The following SEC14L1 variants were observed in gnomAD, a reference collection of about 807,000 sequenced individuals.
SEC14L1 encodes the protein SEC14-like protein 1.
SEC14L1 carries 48 observed loss-of-function variants against 85.3 expected under a neutral mutation model. That is an observed-to-expected ratio of 0.56 (90% CI 0.45 to 0.72). The LOEUF (loss-of-function observed/expected upper bound fraction) is 0.72, where lower values mean the gene tolerates loss of function less well. SEC14L1 is among the 30% of genes least tolerant of loss of function. The pLI is 0.00. For synonymous variants in SEC14L1, 391 were observed against 355.5 expected (o/e 1.10, Z -1.12); for missense variants, 682 against 921.4 (o/e 0.74, Z 3.36).
chr17:77,178,640 A>G (rs966941483), intron 3 of SEC14L1, among the ~76,000 whole-genome samples: 15 of 152,220 alleles, frequency 9.9e-5, no homozygotes, highest in African/African-American at 3.6e-4. Context: ...ACCTCAGATC[A>G]TCAGGCATTG....
chr17:77,096,638 TTTCTCTC>T (rs1971655668), intron 3 of SEC14L1, among the ~76,000 whole-genome samples: 1 of 152,132 alleles, frequency 6.6e-6, no homozygotes, highest in Admixed American at 6.6e-5. Context: ...AGATTTTGAA[TTTCTCTC>T]TTCGTCCACT....
intron 10 of SEC14L1, 78 bp from the exon 11 acceptor site, chr17:77,205,198 G>A (rs886532939): frequency 2.6e-5 from 32 of 1,223,468 alleles, no homozygotes; most frequent in Middle Eastern, 2.2e-4. Context: ...CGCTGTTAGT[G>A]TCCCTCTTCC....
At chr17:77,126,196 A>G (rs894293360) in intron 3 of SEC14L1, among the ~76,000 whole-genome samples, 1 of 152,184 alleles carries the variant, frequency 6.6e-6, no homozygotes, top group Non-Finnish European at 1.5e-5. Context: ...CTCTGTGAAC[A>G]CTGGAGTCAG....
chr17:77,120,633 C>T (rs954578926), intron 3 of SEC14L1, among the ~76,000 whole-genome samples: 3 of 152,146 alleles, frequency 2.0e-5, no homozygotes, highest in Admixed American at 2.0e-4. Context: ...CGTGCCACCA[C>T]GCCCAGCTAA....
At chr17:77,123,062 T>G (rs190754203) in intron 3 of SEC14L1, among the ~76,000 whole-genome samples, 26 of 152,018 alleles carry the variant, frequency 1.7e-4, no homozygotes, top group Non-Finnish European at 2.6e-4. Flanking sequence ...TTTTGTTTTT[T>G]TTTTTTGAGA....
intron 3 of SEC14L1, among the ~76,000 whole-genome samples, chr17:77,188,797 A>C (rs953725414): frequency 6.6e-6 from 1 of 152,122 alleles, no homozygotes; most frequent in Admixed American, 6.5e-5. Flanking sequence ...CCCAACCAGC[A>C]CTGTGTTTTA....
chr17:77,114,898 G>GTAGCATTTTC (rs1972137053), intron 3 of SEC14L1, among the ~76,000 whole-genome samples: 1 of 149,318 alleles, frequency 6.7e-6, no homozygotes, highest in African/African-American at 2.5e-5. Context: ...TTAAGTCCCA[G>GTAGCATTTTC]TAGCATTTTC....
intron 14 of SEC14L1, chr17:77,211,149 A>G (rs1976730084): frequency 6.6e-6 from 1 of 152,302 alleles, no homozygotes; most frequent in Non-Finnish European, 1.5e-5. Flanking sequence ...GGTGGGATTA[A>G]AGGGGCCCGG....
At chr17:77,159,172 TCTC>T (rs1436796865) in intron 3 of SEC14L1, among the ~76,000 whole-genome samples, 1 of 150,938 alleles carries the variant, frequency 6.6e-6, no homozygotes, top group Admixed American at 6.6e-5. Context: ...GTCAAGCAAT[TCTC>T]CTGCCTCAGC....
At chr17:77,200,750 C>G in intron 9 of SEC14L1, 77 bp downstream of exon 9, 1 of 1,461,962 alleles carries the variant, frequency 6.8e-7, no homozygotes, top group Non-Finnish European at 9.3e-7. Flanking sequence ...GGCCTCCTTC[C>G]CTGGAGTTGA....
intron 3 of SEC14L1, among the ~76,000 whole-genome samples, chr17:77,128,851 C>T (rs1384804150): frequency 6.6e-6 from 1 of 152,084 alleles, no homozygotes; most frequent in Non-Finnish European, 1.5e-5. Flanking sequence ...TCCCCATGCA[C>T]CCCTAGCCCC....
rs1283025240 is a variant in SEC14L1, at chr17:77,216,713, A to G, written c.*2690A>G. The G allele has an allele frequency of 5.7e-6, 8 of 1,413,234 alleles. No individual in the cohort carries two copies. Among genetic ancestry groups the G allele is most frequent in the African/African-American group, 1.4e-5 (1 of 70,566 alleles). The allele number at this position is 1,413,234 out of a possible 1,614,324, so 87.5% of individuals were successfully genotyped here. On this transcript the variant is annotated 3_prime_UTR_variant, in exon 17 of 17. Coordinates refer to ENST00000436233, the MANE Select transcript of SEC14L1 (RefSeq NM_001143998.2). ...TCGGGAGTGGCATTCTTTTATACCC[A>G]AAGACTGTAGTGCATCTTGAAGAGC... is the stretch of plus-strand genomic sequence containing the variant.
rs764980460 is a variant in SEC14L1, at chr17:77,209,490, C to A, written c.1611+14C>A. ...GCCCCACATGAGGTACGTCCTCCGCCTTCCTGCACCTGGGCCGGCCCTTCC... is the reference window on the plus strand; with the variant it reads ...GCCCCACATGAGGTACGTCCTCCGCATTCCTGCACCTGGGCCGGCCCTTCC... On this transcript the variant is annotated intron_variant, in intron 14 of 16. Coordinates refer to ENST00000436233, the MANE Select transcript of SEC14L1 (RefSeq NM_001143998.2). 4 of 1,612,230 alleles carry A rather than the reference C, an allele frequency of 2.5e-6. No homozygotes were observed. The African/African-American group carries it at 4.0e-5, about 16-fold the overall frequency.
chr17:77,208,537 T>G (rs538932782), intron 13 of SEC14L1, among the ~76,000 whole-genome samples: 2 of 152,314 alleles, frequency 1.3e-5, no homozygotes, highest in East Asian at 3.9e-4. Context: ...CTTCTAAGGC[T>G]TCTTCACCTC....
chr17:77,108,279 G>A (rs182271776), intron 3 of SEC14L1, among the ~76,000 whole-genome samples: 14 of 152,252 alleles, frequency 9.2e-5, no homozygotes, highest in East Asian at 3.9e-4. Flanking sequence ...TGCATTAAAC[G>A]TGGTCGTCAT....
At chr17:77,187,977 T>C (rs1036320523) in intron 3 of SEC14L1, among the ~76,000 whole-genome samples, 1 of 152,204 alleles carries the variant, frequency 6.6e-6, no homozygotes, top group African/African-American at 2.4e-5. Context: ...ACTCCTGGGC[T>C]CAAGTGATCT....
At position 77,213,893 on chromosome 17, in the gene SEC14L1, C is replaced by T; in HGVS notation, c.2043-25C>T. ...GTGGTTGGCAGGGTGGTCCTCACGC[C>T]TCGCCCCTCCCTGTGCCATTACAGA... On this transcript the variant is annotated intron_variant, in intron 16 of 16. Transcript: ENST00000436233. The surrounding 1 kb of genome is among the most constrained non-coding windows in gnomAD (Gnocchi z 7.1). The T allele has an allele frequency of 5.0e-6, 8 of 1,610,616 alleles. No individual in the cohort carries two copies. The highest frequency in any genetic ancestry group is 1.3e-5 in the African/African-American group (1 of 74,988).
intron 3 of SEC14L1, among the ~76,000 whole-genome samples, chr17:77,125,107 C>T (rs1293655543): frequency 5.9e-5 from 9 of 151,824 alleles, no homozygotes; most frequent in Middle Eastern, 3.4e-3. Context: ...CGGGTTCAAG[C>T]GATTCTCCTG....
intron 3 of SEC14L1, among the ~76,000 whole-genome samples, chr17:77,108,787 CAAAAA>C (rs60644460): frequency 5.3e-5 from 6 of 113,108 alleles, no homozygotes; most frequent in Middle Eastern, 4.8e-3. Context: ...TCTCTGTCTC[CAAAAA>C]AAAAAAAAAA....
Sources: gnomAD v4.1 joint callset for allele counts (sites outside exome capture counted in the v4.1 genomes callset) on GRCh38, gnomAD v4.1.1 for gene constraint, Gnocchi (gnomAD v3.1) non-coding constraint, MANE v1.5 for transcripts, NCBI Gene and HGNC (gene_info 2026-07-23, HGNC 2026-07-21) for gene names.